Variants in DLG2 observed in about 807,000 individuals in gnomAD.
DLG2 encodes discs large MAGUK scaffold protein 2, also known as disks large homolog 2.
Under a neutral mutation model 132.5 loss-of-function variants are expected in DLG2, and 45 were observed. The observed-to-expected ratio is 0.34, with a 90% confidence interval of 0.27 to 0.44. The LOEUF (loss-of-function observed/expected upper bound fraction) is 0.44, where lower values mean the gene tolerates loss of function less well. Among genes scored for constraint, DLG2 ranks in the 20% least tolerant of loss-of-function variants. The probability of loss-of-function intolerance (pLI) is 1.00; values close to 1 mark genes in which losing one functional copy is unlikely to be tolerated. For synonymous variants in DLG2, 424 were observed against 419.6 expected, an observed-to-expected ratio of 1.01 and a Z score of -0.13; for missense variants, 1,045 against 1,196.9, an observed-to-expected ratio of 0.87 and a Z score of 1.87.
intron 11 of DLG2, among the ~76,000 whole-genome samples, chr11:84,027,051 G>A (rs934887500): frequency 6.6e-6 from 1 of 151,908 alleles, no homozygotes; most frequent in Non-Finnish European, 1.5e-5. Flanking sequence ...AAAATAAACT[G>A]GGGTGCTAGG....
Position 84,980,073 on chromosome 11 carries a change from A to T in DLG2, c.357+131588T>A, listed in dbSNP as rs894135262. On this transcript the variant is annotated intron_variant, in intron 6 of 27. Transcript: ENST00000376104. ...AGTATCATTTTCAAAATGCAAAAAG[A>T]TACACTTAAAATTGGAAAACTCTAA... Among the ~76,000 whole-genome samples, 17 of 152,174 alleles carry T rather than the reference A, an allele frequency of 1.1e-4. No individual in the cohort carries two copies. The East Asian group carries it at 2.1e-3, about 19-fold the overall frequency.
At chr11:83,749,377 C>T (rs1256443980) in intron 18 of DLG2, among the ~76,000 whole-genome samples, 1 of 152,076 alleles carries the variant, frequency 6.6e-6, no homozygotes, top group Non-Finnish European at 1.5e-5. Context: ...TTCTAGGAAC[C>T]CAAGAAAAAG....
chr11:85,070,054 CA>C (rs550394520), intron 6 of DLG2, among the ~76,000 whole-genome samples: 2 of 151,596 alleles, frequency 1.3e-5, no homozygotes, highest in Non-Finnish European at 2.9e-5. Context: ...ATCGCAAGGA[CA>C]AAAAACCAAA....
chr11:84,106,320 T>C (rs543425544), intron 9 of DLG2, among the ~76,000 whole-genome samples: 1 of 152,256 alleles, frequency 6.6e-6, no homozygotes, highest in South Asian at 2.1e-4. Context: ...AAAGTCTTTC[T>C]CACATCCACT....
intron 7 of DLG2, among the ~76,000 whole-genome samples, chr11:84,520,257 T>C (rs991852673): frequency 1.3e-5 from 2 of 152,204 alleles, no homozygotes; most frequent in Non-Finnish European, 2.9e-5. Flanking sequence ...TTTTAAACAA[T>C]TTAAAGATGA....
In DLG2 at chr11:84,516,881, A is replaced by G. The variant is rs778850460; in HGVS notation, c.519+17689T>C. Among the ~76,000 whole-genome samples, 72 of 151,142 alleles carry G rather than the reference A, an allele frequency of 4.8e-4. 2 individuals carry two copies. Among genetic ancestry groups the G allele is most frequent in the Admixed American group, 5.3e-4 (8 of 15,144 alleles). ...TTAAAAAGTTTATTTGCTATGATCA[A>G]CTGGTCTTGATCATGTACTTATTAC... On this transcript the variant is annotated intron_variant, in intron 7 of 27. Transcript: ENST00000376104.
At chr11:84,031,543 T>C (rs2095692075) in intron 11 of DLG2, among the ~76,000 whole-genome samples, 1 of 152,194 alleles carries the variant, frequency 6.6e-6, no homozygotes, top group African/African-American at 2.4e-5. Flanking sequence ...TGGTTTCTGC[T>C]TTTACCTTAC....
intron 7 of DLG2, among the ~76,000 whole-genome samples, chr11:84,341,206 G>C (rs542815172): frequency 6.6e-6 from 1 of 152,046 alleles, no homozygotes; most frequent in Non-Finnish European, 1.5e-5. Flanking sequence ...TTCTTGAAGT[G>C]TTGTTCTCTC....
chr11:84,959,450 G>A (rs1039226655), intron 6 of DLG2, among the ~76,000 whole-genome samples: 3 of 152,060 alleles, frequency 2.0e-5, no homozygotes, highest in Non-Finnish European at 2.9e-5. Context: ...ACAGTACTTG[G>A]CAAACACCTT....
chr11:84,557,437 T>C (rs1277046125), intron 6 of DLG2, among the ~76,000 whole-genome samples: 2 of 152,190 alleles, frequency 1.3e-5, no homozygotes, highest in African/African-American at 2.4e-5. Flanking sequence ...TTAATATATA[T>C]ACACATACTG....
intron 6 of DLG2, among the ~76,000 whole-genome samples, chr11:85,044,221 G>C (rs1200602798): frequency 6.6e-6 from 1 of 151,900 alleles, no homozygotes; most frequent in Non-Finnish European, 1.5e-5. Context: ...TGCTCCTGTT[G>C]TGCTACTATA....
In DLG2 at chr11:83,934,324, C is replaced by T. The variant is rs545463279; in HGVS notation, c.1341-3841G>A. 2.6e-5 allele frequency among the ~76,000 whole-genome samples: 4 copies of T among 152,296 alleles called. No individual in the cohort carries two copies. In the South Asian group the frequency reaches 8.3e-4, roughly 32 times the overall value. On this transcript the variant is annotated intron_variant, in intron 14 of 27. Coordinates refer to ENST00000376104, the MANE Select transcript of DLG2 (RefSeq NM_001142699.3). Reference sequence around the variant, plus strand: ...CTATGTAATTACATAGTACCTGAGACTAATACCAGACTGACTCTATCTTTA... The same window carrying T: ...CTATGTAATTACATAGTACCTGAGATTAATACCAGACTGACTCTATCTTTA...
intron 17 of DLG2, among the ~76,000 whole-genome samples, chr11:83,830,245 C>A (rs549977758): frequency 6.6e-6 from 1 of 152,242 alleles, no homozygotes; most frequent in Non-Finnish European, 1.5e-5. Context: ...ATATCTAAGA[C>A]GACTATAATT....
chr11:84,058,539 T>C lies in DLG2; in HGVS notation c.919+776A>G, dbSNP rs961391435. Among the ~76,000 whole-genome samples, 3 of 143,326 alleles carry C rather than the reference T, an allele frequency of 2.1e-5. No individual in the cohort carries two copies. In the East Asian group the frequency reaches 5.9e-4, roughly 28 times the overall value. The allele number at this position is 143,326 out of a possible 152,430, so 94.0% of individuals were successfully genotyped here. On this transcript the variant is annotated intron_variant, in intron 11 of 27. Coordinates refer to ENST00000376104, the MANE Select transcript of DLG2 (RefSeq NM_001142699.3). ...ATAATAATAATAATAATAATAATAA[T>C]AACCACATGCACTAGTGCATGCCTG...
chr11:84,179,159 A>T (rs1360660277), intron 8 of DLG2, among the ~76,000 whole-genome samples: 1 of 152,200 alleles, frequency 6.6e-6, no homozygotes, highest in East Asian at 1.9e-4. Context: ...ACAGAGAAAT[A>T]GAAATTATAA....
intron 6 of DLG2, among the ~76,000 whole-genome samples, chr11:84,819,715 G>A (rs2077470108): frequency 6.6e-6 from 1 of 151,822 alleles, no homozygotes; most frequent in South Asian, 2.1e-4. Context: ...GCCTCACTGG[G>A]GATGTTAGAA....
chr11:83,601,506 T>C (rs1344813608), intron 19 of DLG2, among the ~76,000 whole-genome samples: 3 of 115,212 alleles, frequency 2.6e-5, no homozygotes, highest in Admixed American at 1.2e-4. Context: ...TAATATGTGA[T>C]GTTCTTTTTT....
At chr11:84,775,878 A>T (rs1187049644) in intron 6 of DLG2, among the ~76,000 whole-genome samples, 1 of 152,218 alleles carries the variant, frequency 6.6e-6, no homozygotes, top group Non-Finnish European at 1.5e-5. Context: ...ATGTACCCGC[A>T]GAATCTAAAA....
intron 6 of DLG2, among the ~76,000 whole-genome samples, chr11:84,706,283 A>G (rs1047585740): frequency 6.6e-6 from 1 of 151,874 alleles, no homozygotes; most frequent in Non-Finnish European, 1.5e-5. Context: ...ACAAGGTGCT[A>G]ACACAATTCA....
Sources: allele counts gnomAD v4.1 joint callset (sites outside exome capture counted in the v4.1 genomes callset), GRCh38; gene constraint gnomAD v4.1.1; transcripts MANE v1.5; gene names NCBI Gene and HGNC (gene_info 2026-07-23, HGNC 2026-07-21).